CFAP61: variants seen among roughly 807,000 people sequenced by gnomAD.
The protein encoded by CFAP61 is cilia- and flagella-associated protein 61.
A neutral mutation model predicts 135.6 loss-of-function variants in CFAP61; 107 were observed. The ratio of observed to expected loss-of-function variants is 0.79; its 90% CI spans 0.67 to 0.93. CFAP61 has a LOEUF of 0.93. Ranked by LOEUF, CFAP61 falls within the 40% of genes least tolerant of loss-of-function variation. The probability of loss-of-function intolerance (pLI) is 0.00; values close to 1 mark genes in which losing one functional copy is unlikely to be tolerated. For missense variants in CFAP61, 1,507 were observed against 1,556.2 expected, an observed-to-expected ratio of 0.97 and a Z score of 0.53; for synonymous variants, 575 against 578.5, an observed-to-expected ratio of 0.99 and a Z score of 0.09.
intron 26 of CFAP61, among the ~76,000 whole-genome samples, chr20:20,346,700 A>G (rs911812038): frequency 2.8e-4 from 43 of 152,292 alleles, no homozygotes; most frequent in African/African-American, 8.9e-4. Flanking sequence ...ATCCTTCAAA[A>G]TCCTTTACGA....
chr20:20,075,368 C>A, intron 5 of CFAP61, 112 bp downstream of exon 5: 1 of 1,423,262 alleles, frequency 7.0e-7, no homozygotes, highest in Non-Finnish European at 9.8e-7. Context: ...CCTCAATGTA[C>A]CATGTGCATA....
intron 22 of CFAP61, among the ~76,000 whole-genome samples, chr20:20,279,728 T>C (rs915531746): frequency 3.3e-5 from 5 of 152,216 alleles, no homozygotes; most frequent in Non-Finnish European, 7.3e-5. Context: ...CCTAACACCG[T>C]CTGAGTCAGA....
chr20:20,086,148 CTT>C (rs879817698), intron 6 of CFAP61, among the ~76,000 whole-genome samples: 3 of 142,594 alleles, frequency 2.1e-5, no homozygotes, highest in African/African-American at 7.8e-5. Context: ...TTGCCAGTTT[CTT>C]TTTTTTTTTT....
rs531609656 is a variant in CFAP61, at chr20:20,211,714, TTTTG to T, written c.1932+11820_1932+11823del. 3.7e-3 allele frequency among the ~76,000 whole-genome samples: 567 copies of T among 152,224 alleles called. 3 individuals are homozygous for T. The highest frequency in any genetic ancestry group is 0.012 in the African/African-American group (519 of 41,544). ...TTGTGCTGTTCAATTGTGTCCCAGG[TTTTG>T]TTTGTTTTATTTTTTCATATAATTC... On this transcript the variant is annotated intron_variant, in intron 17 of 26. Transcript: ENST00000245957.
chr20:20,222,546 C>T (rs976856604), intron 17 of CFAP61, among the ~76,000 whole-genome samples: 16 of 152,150 alleles, frequency 1.1e-4, no homozygotes, highest in South Asian at 2.1e-4. Flanking sequence ...TACCCCCAAC[C>T]GAGAGGAAAG....
intron 20 of CFAP61, among the ~76,000 whole-genome samples, chr20:20,259,137 GA>G (rs1046604092): frequency 6.6e-6 from 1 of 150,562 alleles, no homozygotes; most frequent in African/African-American, 2.4e-5. Flanking sequence ...AGTTCAAAAA[GA>G]AAAAGTTTAT....
intron 8 of CFAP61, among the ~76,000 whole-genome samples, chr20:20,115,690 T>C (rs1214600883): frequency 6.6e-6 from 1 of 152,210 alleles, no homozygotes; most frequent in African/African-American, 2.4e-5. Context: ...ATATGTGATA[T>C]TTGTCTTTCT....
chr20:20,179,921 C>G (rs1449840582), intron 13 of CFAP61, among the ~76,000 whole-genome samples: 1 of 152,056 alleles, frequency 6.6e-6, no homozygotes, highest in East Asian at 1.9e-4. Flanking sequence ...TATAAAAACC[C>G]TGGAAGACAA....
chr20:20,307,164 T>G (rs937490454), intron 25 of CFAP61, among the ~76,000 whole-genome samples: 2 of 152,146 alleles, frequency 1.3e-5, no homozygotes, highest in African/African-American at 4.8e-5. Context: ...AGTTTGAAAC[T>G]CCTACAGTCT....
At chr20:20,229,252 C>T (rs570465672) in intron 18 of CFAP61, among the ~76,000 whole-genome samples, 2 of 152,246 alleles carry the variant, frequency 1.3e-5, no homozygotes, top group Non-Finnish European at 2.9e-5. Flanking sequence ...TCTGAGAGCT[C>T]GGGATCATGG....
At chr20:20,258,922 G>C (rs950633973) in intron 20 of CFAP61, among the ~76,000 whole-genome samples, 3 of 152,210 alleles carry the variant, frequency 2.0e-5, no homozygotes, top group Non-Finnish European at 2.9e-5. Flanking sequence ...TTAGTAGGGA[G>C]GTGATAGACT....
chr20:20,321,212 A>T (rs186917950), intron 25 of CFAP61, among the ~76,000 whole-genome samples: 1 of 152,196 alleles, frequency 6.6e-6, no homozygotes, highest in Non-Finnish European at 1.5e-5. Flanking sequence ...AACTTCATTT[A>T]TCATAACAAG....
intron 22 of CFAP61, among the ~76,000 whole-genome samples, chr20:20,280,162 C>G (rs1319476948): frequency 6.6e-6 from 1 of 152,140 alleles, no homozygotes; most frequent in Non-Finnish European, 1.5e-5. Flanking sequence ...GGCCCTAAAT[C>G]CAATGGCTGG....
chr20:20,228,327 G>A lies in CFAP61; in HGVS notation c.2011G>A (p.Val671Ile), dbSNP rs6046740. 6,542 of 1,611,952 alleles carry A rather than the reference G, an allele frequency of 4.1e-3. 204 individuals carry two copies. The African/African-American group carries it at 0.071, about 17-fold the overall frequency. Reference sequence around the variant, plus strand: ...TACTGTCAATGCCAAGATCATTGTGGTTGGTGCATCCAGTGTTGGAATTTC... The same window carrying A: ...TACTGTCAATGCCAAGATCATTGTGATTGGTGCATCCAGTGTTGGAATTTC... ...KITVNAKIIV[V>I]GASSVGISFL... The change falls in exon 18 of 27, where the codon GTT becomes ATT. Residue 671 changes from valine to isoleucine, a missense_variant. Coordinates refer to ENST00000245957, the MANE Select transcript of CFAP61 (RefSeq NM_015585.4).
chr20:20,076,937 G>A (rs2046093673), intron 6 of CFAP61, among the ~76,000 whole-genome samples: 1 of 152,134 alleles, frequency 6.6e-6, no homozygotes. Context: ...GCACAAGATT[G>A]TGATGATTGT....
At chr20:20,355,131 G>A (rs1328734201) in intron 26 of CFAP61, among the ~76,000 whole-genome samples, 1 of 149,502 alleles carries the variant, frequency 6.7e-6, no homozygotes, top group Non-Finnish European at 1.5e-5. Context: ...ACTGTGAGGG[G>A]AGGTGGTCAC....
intron 6 of CFAP61, among the ~76,000 whole-genome samples, chr20:20,076,428 G>C (rs1471020506): frequency 6.6e-6 from 1 of 152,178 alleles, no homozygotes; most frequent in Non-Finnish European, 1.5e-5. Flanking sequence ...GAGCCATTGT[G>C]GACACCCAGC....
chr20:20,179,965 C>G (rs556240701), intron 13 of CFAP61, among the ~76,000 whole-genome samples: 1 of 152,024 alleles, frequency 6.6e-6, no homozygotes, highest in Non-Finnish European at 1.5e-5. Flanking sequence ...TAGGAATGGG[C>G]AAAGGTGTCA....
chr20:20,216,545 C>A (rs1390229140), intron 17 of CFAP61, among the ~76,000 whole-genome samples: 1 of 152,232 alleles, frequency 6.6e-6, no homozygotes, highest in African/African-American at 2.4e-5. Context: ...GAGCAGCAAC[C>A]CACATCCCTG....
Sources: gnomAD v4.1 joint callset for allele counts (sites outside exome capture counted in the v4.1 genomes callset) on GRCh38, gnomAD v4.1.1 for gene constraint, MANE v1.5 for transcripts, NCBI Gene and HGNC (gene_info 2026-07-23, HGNC 2026-07-21) for gene names.